Variants in ANKS1B observed in about 807,000 individuals in gnomAD.
ANKS1B encodes ankyrin repeat and sterile alpha motif domain-containing protein 1B.
A neutral mutation model predicts 148.3 loss-of-function variants in ANKS1B; 36 were observed. The ratio of observed to expected loss-of-function variants is 0.24; its 90% CI spans 0.19 to 0.32. ANKS1B has a LOEUF of 0.32. ANKS1B is among the 10% of genes least tolerant of loss of function. ANKS1B has a pLI of 1.00. For missense variants in ANKS1B, 1,157 were observed against 1,542.6 expected (o/e 0.75, Z 4.19); for synonymous variants, 542 against 560.8 (o/e 0.97, Z 0.47).
At chr12:99,948,311 A>T (rs1358684070) in intron 1 of ANKS1B, among the ~76,000 whole-genome samples, 1 of 152,072 alleles carries the variant, frequency 6.6e-6, no homozygotes, top group African/African-American at 2.4e-5. Context: ...TCAAGGAAAA[A>T]GTATGCCATC....
At chr12:99,077,753 T>C (rs1454008808) in intron 16 of ANKS1B, among the ~76,000 whole-genome samples, 1 of 152,190 alleles carries the variant, frequency 6.6e-6, no homozygotes, top group Admixed American at 6.5e-5. Context: ...CTTAAAATTA[T>C]CTTCATAGAA....
At chr12:99,144,298 A>G (rs2072160615) in intron 15 of ANKS1B, among the ~76,000 whole-genome samples, 1 of 151,950 alleles carries the variant, frequency 6.6e-6, no homozygotes, top group Non-Finnish European at 1.5e-5. Flanking sequence ...GAAAGAGTGT[A>G]GGGCTAGAAA....
In ANKS1B at chr12:98,988,615, A is replaced by C. The variant is rs538223979; in HGVS notation, c.2778+64542T>G. ...GCTGATTTTATTTCCTTTGGATATT[A>C]TCTCAGTGGTGGGATTATTAGATCA... On this transcript the variant is annotated intron_variant, in intron 17 of 26. Transcript: ENST00000683438. 2.8e-4 allele frequency among the ~76,000 whole-genome samples: 42 copies of C among 152,248 alleles called. No homozygotes were observed. In the South Asian group the frequency reaches 7.7e-3, roughly 28 times the overall value.
intron 8 of ANKS1B, among the ~76,000 whole-genome samples, chr12:99,667,745 TCA>T (rs1393832656): frequency 2.6e-5 from 4 of 152,354 alleles, no homozygotes; most frequent in African/African-American, 4.8e-5. Context: ...ATTCCTATTC[TCA>T]GTTTACTAAA....
At chr12:99,142,535 G>C (rs1566407803) in intron 15 of ANKS1B, among the ~76,000 whole-genome samples, 1 of 152,100 alleles carries the variant, frequency 6.6e-6, no homozygotes, top group African/African-American at 2.4e-5. Flanking sequence ...AGAGAGGGTA[G>C]AGAAGAAGGC....
At chr12:99,574,773 T>C (rs1016742392) in intron 9 of ANKS1B, among the ~76,000 whole-genome samples, 3 of 152,042 alleles carry the variant, frequency 2.0e-5, no homozygotes, top group Non-Finnish European at 2.9e-5. Context: ...AGGGAAACTT[T>C]CTCAACCTGA....
At chr12:98,952,758 C>T (rs1245615600) in intron 17 of ANKS1B, among the ~76,000 whole-genome samples, 4 of 152,208 alleles carry the variant, frequency 2.6e-5, no homozygotes, top group Non-Finnish European at 5.9e-5. Context: ...TAAATCCAAA[C>T]TCATCATCTG....
intron 17 of ANKS1B, among the ~76,000 whole-genome samples, chr12:99,000,415 C>A (rs1465307621): frequency 6.6e-6 from 1 of 151,758 alleles, no homozygotes; most frequent in African/African-American, 2.4e-5. Flanking sequence ...ATTACAGGTG[C>A]CCACCACCAT....
chr12:99,303,727 ATTACCC>A (rs2081987246), intron 12 of ANKS1B, among the ~76,000 whole-genome samples: 1 of 152,106 alleles, frequency 6.6e-6, no homozygotes, highest in Non-Finnish European at 1.5e-5. Flanking sequence ...TGGTGCACCC[ATTACCC>A]AAGGAGGGTA....
chr12:99,026,623 A>T (rs894660267), intron 17 of ANKS1B, among the ~76,000 whole-genome samples: 22 of 850 alleles, frequency 0.026, no homozygotes, highest in Middle Eastern at 0.5. Context: ...TTAAAAATTA[A>T]AAAAAAAAAA....
chr12:99,479,391 A>C (rs141437352), intron 10 of ANKS1B, among the ~76,000 whole-genome samples: 207 of 152,144 alleles, frequency 1.4e-3, no homozygotes, highest in African/African-American at 4.5e-3. Context: ...GTATTGCATA[A>C]ATTTTAAAAC....
At chr12:99,003,432 T>C (rs1369107750) in intron 17 of ANKS1B, among the ~76,000 whole-genome samples, 1 of 152,208 alleles carries the variant, frequency 6.6e-6, no homozygotes, top group Non-Finnish European at 1.5e-5. Context: ...GTGTGGATAC[T>C]TCCACAATAA....
rs138234016 is a variant in ANKS1B, at chr12:99,618,377, C to T, written c.1272+36690G>A. Among the ~76,000 whole-genome samples the T allele has an allele frequency of 5.9e-5, 9 of 152,218 alleles. No homozygotes were observed. The East Asian group carries it at 1.7e-3, about 29-fold the overall frequency. On this transcript the variant is annotated intron_variant, in intron 9 of 26. Transcript: ENST00000683438. ...TCTCTATACTGCGTTTTTTCCCCAACAGGGTTGATTAGAGGCTTTTAGCAC... is the reference window on the plus strand; with the variant it reads ...TCTCTATACTGCGTTTTTTCCCCAATAGGGTTGATTAGAGGCTTTTAGCAC...
At chr12:99,372,082 C>A (rs192854823) in intron 12 of ANKS1B, among the ~76,000 whole-genome samples, 1 of 152,110 alleles carries the variant, frequency 6.6e-6, no homozygotes, top group African/African-American at 2.4e-5. Context: ...TGTGTAAACC[C>A]ATAGAATGTA....
intron 1 of ANKS1B, among the ~76,000 whole-genome samples, chr12:99,896,823 G>C (rs2093404850): frequency 6.6e-6 from 1 of 151,266 alleles, no homozygotes; most frequent in African/African-American, 2.4e-5. Context: ...CTACGGAATA[G>C]AAGCAAATTC....
intron 8 of ANKS1B, among the ~76,000 whole-genome samples, chr12:99,717,532 T>C (rs2057486976): frequency 6.6e-6 from 1 of 152,136 alleles, no homozygotes; most frequent in African/African-American, 2.4e-5. Context: ...CCGCGTCCCA[T>C]CTGTGTGGGA....
At chr12:98,848,833 G>A (rs2099502937) in intron 17 of ANKS1B, among the ~76,000 whole-genome samples, 1 of 141,732 alleles carries the variant, frequency 7.1e-6, no homozygotes, top group South Asian at 2.4e-4. Flanking sequence ...CCGCCTCCCA[G>A]ATTTAAACGA....
chr12:98,978,970 A>G (rs2153225908), intron 17 of ANKS1B, among the ~76,000 whole-genome samples: 1 of 151,926 alleles, frequency 6.6e-6, no homozygotes, highest in South Asian at 2.1e-4. Context: ...GGTGAAACCC[A>G]TCTCTACTAA....
rs181515994 is a variant in ANKS1B, at chr12:98,779,764, T to C, written c.3441+1353A>G. On this transcript the variant is annotated intron_variant, in intron 24 of 26. Transcript: ENST00000683438. ...TTATATACCAGGAACTAAAGATGCT[T>C]CCAAGAAATAAAAAAGCAAATCAAT... Among the ~76,000 whole-genome samples, 657 of 152,298 alleles carry C rather than the reference T, an allele frequency of 4.3e-3. 1 individual carries two copies. Among genetic ancestry groups the C allele is most frequent in the Non-Finnish European group, 6.9e-3 (468 of 68,040 alleles).
Sources: gnomAD v4.1 joint callset for allele counts (sites outside exome capture counted in the v4.1 genomes callset) on GRCh38, gnomAD v4.1.1 for gene constraint, MANE v1.5 for transcripts, NCBI Gene and HGNC (gene_info 2026-07-23, HGNC 2026-07-21) for gene names.